Variants in DPP10 observed in about 807,000 individuals in gnomAD.
The protein encoded by DPP10 is inactive dipeptidyl peptidase 10.
Under a neutral mutation model 120.9 loss-of-function variants are expected in DPP10, and 33 were observed. The ratio of observed to expected loss-of-function variants is 0.27; its 90% CI spans 0.21 to 0.37. DPP10 has a LOEUF of 0.37. Ranked by LOEUF, DPP10 falls within the 10% of genes least tolerant of loss-of-function variation. The pLI is 1.00. For missense variants in DPP10, 816 were observed against 942.8 expected (o/e 0.87, Z 1.76); for synonymous variants, 337 against 326.1 (o/e 1.03, Z -0.36).
chr2:115,632,137 G>C (rs942281686), intron 5 of DPP10, among the ~76,000 whole-genome samples: 2 of 152,156 alleles, frequency 1.3e-5, no homozygotes, highest in African/African-American at 4.8e-5. Flanking sequence ...AGCTCTTCTT[G>C]TTGAATTGAA....
At chr2:114,539,083 C>T (rs1686745199) in intron 1 of DPP10, among the ~76,000 whole-genome samples, 1 of 151,684 alleles carries the variant, frequency 6.6e-6, no homozygotes, top group Non-Finnish European at 1.5e-5. Flanking sequence ...TTAATTGCCA[C>T]ATAGCAGACA....
intron 1 of DPP10, among the ~76,000 whole-genome samples, chr2:114,627,615 G>T (rs906567867): frequency 1.4e-4 from 22 of 152,060 alleles, no homozygotes; most frequent in Admixed American, 2.6e-4. Flanking sequence ...TTTTTTTTAG[G>T]TAGGGGGAGG....
intron 5 of DPP10, among the ~76,000 whole-genome samples, chr2:115,684,123 A>G (rs1392765658): frequency 6.6e-6 from 1 of 151,932 alleles, no homozygotes; most frequent in Non-Finnish European, 1.5e-5. Flanking sequence ...TTAAAATACT[A>G]ATAAATATTA....
At chr2:115,521,967 T>G (rs999419913) in intron 4 of DPP10, among the ~76,000 whole-genome samples, 11 of 152,186 alleles carry the variant, frequency 7.2e-5, no homozygotes, top group Non-Finnish European at 1.6e-4. Flanking sequence ...ACTTGTGCAT[T>G]TTTTGAAGTT....
chr2:115,309,289 T>A lies in DPP10; in HGVS notation c.111T>A (p.Ile37=). ...AGAGAAACTGGAAGGGAATTGCTATTGCTCTGCTGGTGATTTTAGTTGTAT... is the reference window on the plus strand; with the variant it reads ...AGAGAAACTGGAAGGGAATTGCTATAGCTCTGCTGGTGATTTTAGTTGTAT... ...PPQRNWKGIA[I]ALLVILVVCS... is the part of the protein sequence containing the mutation. Residue 37 remains isoleucine (I), a synonymous_variant, in exon 2 of 26, where the codon ATT becomes ATA. Transcript: ENST00000410059. 8 of 1,613,670 alleles carry A rather than the reference T, an allele frequency of 5.0e-6. No homozygotes were observed. Among genetic ancestry groups the A allele is most frequent in the Non-Finnish European group, 6.8e-6 (8 of 1,179,688 alleles).
intron 1 of DPP10, among the ~76,000 whole-genome samples, chr2:115,175,268 C>T (rs1324032283): frequency 1.3e-5 from 2 of 152,168 alleles, no homozygotes; most frequent in Non-Finnish European, 1.5e-5. Context: ...GTTCCTTTAA[C>T]TTCTGGCTGG....
intron 3 of DPP10, among the ~76,000 whole-genome samples, chr2:115,374,605 G>A (rs1232738988): frequency 2.0e-5 from 3 of 152,212 alleles, no homozygotes; most frequent in East Asian, 1.9e-4. Flanking sequence ...CTTAGGAGAG[G>A]TTTTCCATGA....
Position 115,574,285 on chromosome 2 carries a change from G to A in DPP10, c.441+48313G>A, listed in dbSNP as rs529362687. Among the ~76,000 whole-genome samples, 55 of 152,210 alleles carry A rather than the reference G, an allele frequency of 3.6e-4. No individual in the cohort carries two copies. The South Asian group carries it at 0.01, about 28-fold the overall frequency. On this transcript the variant is annotated intron_variant, in intron 5 of 25. Transcript: ENST00000410059. ...CTTGGAAACTGTTTTTCTCCTACCA[G>A]TCTTGTTTCTTTATCATTCCCCACA... is the stretch of plus-strand genomic sequence containing the variant.
chr2:114,955,311 T>TAAA, intron 1 of DPP10, among the ~76,000 whole-genome samples: 2 of 152,198 alleles, frequency 1.3e-5, no homozygotes, highest in Non-Finnish European at 2.9e-5. Flanking sequence ...CCGGCTCCTT[T>TAAA]ACTGCAACCT....
intron 1 of DPP10, among the ~76,000 whole-genome samples, chr2:114,748,500 C>A (rs1678860329): frequency 7.2e-6 from 1 of 137,944 alleles, no homozygotes; most frequent in African/African-American, 2.7e-5. Context: ...TGCACTGCAC[C>A]CACTAACTCG....
At chr2:115,240,165 G>A (rs1374031600) in intron 1 of DPP10, among the ~76,000 whole-genome samples, 1 of 152,174 alleles carries the variant, frequency 6.6e-6, no homozygotes, top group Non-Finnish European at 1.5e-5. Context: ...GTAGATCCTT[G>A]AGGAATCACC....
chr2:115,628,452 C>T (rs2085549352), intron 5 of DPP10, among the ~76,000 whole-genome samples: 2 of 152,114 alleles, frequency 1.3e-5, no homozygotes, highest in South Asian at 2.1e-4. Context: ...GAAAAATTTT[C>T]TCCCATTCTG....
intron 1 of DPP10, among the ~76,000 whole-genome samples, chr2:114,837,021 A>G (rs1281314495): frequency 6.6e-6 from 1 of 152,164 alleles, no homozygotes; most frequent in Non-Finnish European, 1.5e-5. Flanking sequence ...CCCAGATTTC[A>G]TATTGTTCAA....
At chr2:115,835,255 T>C (rs1233333900) in intron 21 of DPP10, among the ~76,000 whole-genome samples, 1 of 151,070 alleles carries the variant, frequency 6.6e-6, no homozygotes, top group African/African-American at 2.4e-5. Context: ...AGAATTGTCT[T>C]ATACCTCAGA....
chr2:114,967,037 G>A (rs372177673), intron 1 of DPP10, among the ~76,000 whole-genome samples: 8 of 151,728 alleles, frequency 5.3e-5, no homozygotes, highest in Admixed American at 6.6e-5. Context: ...AGCAAAACTC[G>A]GTCCCAAAAA....
intron 1 of DPP10, among the ~76,000 whole-genome samples, chr2:114,892,439 T>C (rs540337008): frequency 9.2e-5 from 14 of 152,342 alleles, no homozygotes; most frequent in Admixed American, 8.5e-4. Context: ...TAAGTTCTAA[T>C]GATGAAATCC....
chr2:114,978,248 T>C (rs1699873151), intron 1 of DPP10, among the ~76,000 whole-genome samples: 1 of 152,188 alleles, frequency 6.6e-6, no homozygotes, highest in Non-Finnish European at 1.5e-5. Flanking sequence ...GCACTTGAAG[T>C]GTGACTGGTG....
intron 1 of DPP10, among the ~76,000 whole-genome samples, chr2:115,012,176 C>A (rs951769506): frequency 3.3e-5 from 5 of 152,120 alleles, no homozygotes; most frequent in African/African-American, 9.7e-5. Flanking sequence ...CCTATCCCTG[C>A]CCCTACCCTG....
intron 1 of DPP10, among the ~76,000 whole-genome samples, chr2:115,005,590 T>C (rs1701762771): frequency 6.6e-6 from 1 of 152,032 alleles, no homozygotes; most frequent in South Asian, 2.1e-4. Context: ...CAGGAGCCGA[T>C]GTGATCAACT....
Sources: allele counts gnomAD v4.1 joint callset (sites outside exome capture counted in the v4.1 genomes callset), GRCh38; gene constraint gnomAD v4.1.1; transcripts MANE v1.5; gene names NCBI Gene and HGNC (gene_info 2026-07-23, HGNC 2026-07-21).